The following HSP90AB1 variants were observed in gnomAD, a reference collection of about 807,000 sequenced individuals.
The protein encoded by HSP90AB1 is heat shock protein HSP 90-beta.
Under a neutral mutation model 67.8 loss-of-function variants are expected in HSP90AB1, and 17 were observed. The ratio of observed to expected loss-of-function variants is 0.25; its 90% CI spans 0.17 to 0.38. The LOEUF (loss-of-function observed/expected upper bound fraction) is 0.38. Among genes scored for constraint, HSP90AB1 ranks in the 10% least tolerant of loss-of-function variants. The pLI is 1.00. For missense variants in HSP90AB1, 690 were observed against 899.9 expected (o/e 0.77, Z 2.98); for synonymous variants, 390 against 312.9 (o/e 1.25, Z -2.60).
In HSP90AB1 at chr6:44,252,258, G is replaced by A. The variant is rs1181483095; in HGVS notation, c.1722G>A (p.Lys574=). 4 of 1,613,506 alleles carry A rather than the reference G, an allele frequency of 2.5e-6. No homozygotes were observed. The highest frequency in any genetic ancestry group is 1.7e-5 in the Admixed American group (1 of 60,012). ...TCATGAAAGAAATCTTAGATAAGAAGGTTGAGAAGGTAAGCCATTCTGGGG... is the reference window on the plus strand; with the variant it reads ...TCATGAAAGAAATCTTAGATAAGAAAGTTGAGAAGGTAAGCCATTCTGGGG... The part of the protein sequence containing the change: ...CKLMKEILDK[K]VEKVTISNRL... The change falls in exon 10 of 12, where the codon AAG becomes AAA. Residue 574 remains lysine, a synonymous_variant. Transcript: ENST00000371646.
rs774919578 is a variant in HSP90AB1 at position 44,252,222 on chromosome 6, C to A, written c.1686C>A (p.Asn562Lys). The A allele has an allele frequency of 6.2e-7, 1 of 1,614,098 alleles. No homozygotes were observed. Among genetic ancestry groups the A allele is most frequent in the South Asian group, 1.1e-5 (1 of 91,084 alleles). The stretch of plus-strand genomic sequence containing the variant: ...AAGAGAGCAAGGCAAAGTTTGAGAA[C>A]CTCTGCAAGCTCATGAAAGAAATCT... ...KMEESKAKFE[N>K]LCKLMKEILD... The change falls in exon 10 of 12, where the codon AAC becomes AAA. Residue 562 changes from asparagine (N) to lysine (K), a missense_variant. Physicochemically the swap from Asn to Lys is moderately conservative, Grantham distance 94. This residue lies in a region of HSP90AB1 where 206 missense variants were observed against 221.4 expected (regional missense o/e 0.93). Transcript: ENST00000371646.
upstream of HSP90AB1, among the ~76,000 whole-genome samples, chr6:44,246,904 C>T (rs1181626399): frequency 6.6e-6 from 1 of 152,224 alleles, no homozygotes; most frequent in Non-Finnish European, 1.5e-5. Flanking sequence ...GGGCTGTGAT[C>T]ACAAGCAAAT....
At position 44,248,610 on chromosome 6, in the gene HSP90AB1, TAATG is replaced by T. The variant is rs766435647; in HGVS notation, c.1-18_1-15del. 6.3e-7 allele frequency: 1 copy of T among 1,597,220 alleles called. No individual in the cohort carries two copies. Among genetic ancestry groups the T allele is most frequent in the South Asian group, 1.1e-5 (1 of 88,902 alleles). ...TGGGGCCTTAGTGTTCTTTTGTAAT[TAATG>T]AGATTTTTATTTTAGATGCCTGAGG... On this transcript the variant is annotated splice_polypyrimidine_tract_variant and intron_variant, in intron 1 of 11. Transcript: ENST00000371646.
At position 44,253,854 on chromosome 6, in the gene HSP90AB1, G is replaced by GA; in HGVS notation, c.*256_*257insA. ...TCATTTTGTTCTGAAATTAAAGTAT[G>GA]CAAAATAAAGAATATGCCGTTTTTA... On this transcript the variant is annotated 3_prime_UTR_variant, in exon 12 of 12. Coordinates refer to ENST00000371646, the MANE Select transcript of HSP90AB1 (RefSeq NM_007355.4). 1 of 719,708 alleles carries GA rather than the reference G, an allele frequency of 1.4e-6. No individual in the cohort carries two copies. The highest frequency in any genetic ancestry group is 1.8e-5 in the Admixed American group (1 of 56,930). 44.6% of individuals were successfully genotyped at this position (719,708 alleles called of 1,614,324 possible). A position where few individuals can be genotyped will look rare whatever the true frequency, so the allele number is the denominator to read the frequency against.
intron 6 of HSP90AB1, 152 bp downstream of exon 6, chr6:44,250,751 T>C: frequency 3.1e-6 from 2 of 638,546 alleles, no homozygotes; most frequent in South Asian, 2.0e-5. Context: ...TACCCTGTCA[T>C]AGTGAAGTGC....
intron 1 of HSP90AB1, chr6:44,248,170 A>G (rs1780189703): frequency 6.3e-6 from 1 of 157,798 alleles, no homozygotes; most frequent in South Asian, 1.8e-4. Flanking sequence ...CTGACACCTC[A>G]GGGGGAGCAG....
chr6:44,252,915 T>C (rs981582998), intron 10 of HSP90AB1, 130 bp from the exon 11 acceptor site: 5 of 697,360 alleles, frequency 7.2e-6, no homozygotes, highest in South Asian at 1.8e-5. Flanking sequence ...GGTTTTGCCA[T>C]GTTGGCCAGC....
chr6:44,248,895 A>G, intron 2 of HSP90AB1, 119 bp downstream of exon 2: 1 of 898,214 alleles, frequency 1.1e-6, no homozygotes, highest in Non-Finnish European at 1.8e-6. Flanking sequence ...ACTTGCAGCT[A>G]TTCCAAAAAG....
chr6:44,253,449 G>C, intron 11 of HSP90AB1, 40 bp from the exon 12 acceptor site: 7 of 1,601,460 alleles, frequency 4.4e-6, no homozygotes, highest in Non-Finnish European at 6.0e-6. Context: ...TTGACTTAAT[G>C]CTATTTGGTC....
intron 1 of HSP90AB1, chr6:44,247,804 T>TCC (rs1780117175): frequency 6.6e-6 from 1 of 152,212 alleles, no homozygotes. Flanking sequence ...GGCTCCTTCC[T>TCC]CCGCCCTTCC....
At chr6:44,250,705 CAG>C (rs1159255145) in intron 6 of HSP90AB1, 106 bp downstream of exon 6, 6 of 693,688 alleles carry the variant, frequency 8.6e-6, no homozygotes, top group Middle Eastern at 2.5e-4. Flanking sequence ...CAACTGATAA[CAG>C]AAATGTGATA....
chr6:44,248,703 T>C lies in HSP90AB1; in HGVS notation c.74T>C (p.Met25Thr), dbSNP rs1463566339. The C allele has an allele frequency of 1.9e-6, 3 of 1,614,002 alleles. No individual in the cohort carries two copies. The highest frequency in any genetic ancestry group is 2.5e-6 in the Non-Finnish European group (3 of 1,179,774). The change falls in exon 2 of 12, where the codon ATG (methionine) becomes ACG (threonine). Residue 25 changes from methionine to threonine, a missense_variant. Met to Thr is a moderately conservative substitution (Grantham distance 81, BLOSUM62 -1). Around this residue, in one of 7 missense-constraint regions of HSP90AB1, gnomAD observed 88 missense variants for 167.7 expected, o/e 0.52. Transcript: ENST00000371646. ...TTTCAGGCAGAAATTGCCCAACTCATGTCCCTCATCATCAATACCTTCTAT... is the reference window on the plus strand; with the variant it reads ...TTTCAGGCAGAAATTGCCCAACTCACGTCCCTCATCATCAATACCTTCTAT... ...FAFQAEIAQLMSLIINTFYSN... is the reference protein window; with the variant it reads ...FAFQAEIAQLTSLIINTFYSN...
chr6:44,249,233 G>A lies in HSP90AB1; in HGVS notation c.148-144G>A, dbSNP rs1318819905. On this transcript the variant is annotated intron_variant, in intron 2 of 11. Coordinates refer to ENST00000371646, the MANE Select transcript of HSP90AB1 (RefSeq NM_007355.4). ...TGTGCCTGTAGTCCCAGCTACTTGG[G>A]AAGCTGGGGTTGGGAGGATGGCTCG... 7.6e-6 allele frequency: 5 copies of A among 654,208 alleles called. No homozygotes were observed. In the South Asian group the frequency reaches 9.1e-5, roughly 12 times the overall value. 40.5% of individuals were successfully genotyped at this position (654,208 alleles called of 1,614,324 possible). A position where few individuals can be genotyped will look rare whatever the true frequency, so the allele number is the denominator to read the frequency against.
In HSP90AB1 at chr6:44,251,044, T is replaced by A. The variant is rs903581272; in HGVS notation, c.958-4T>A. The A allele has an allele frequency of 6.2e-7, 1 of 1,613,774 alleles. No individual in the cohort carries two copies. The highest frequency in any genetic ancestry group is 8.5e-7 in the Non-Finnish European group (1 of 1,179,794). ...ATGTACCACTTATTTTTGGTTTCTTTCAGCACTTTTCTGTAGAAGGTCAGT... is the reference window on the plus strand; with the variant it reads ...ATGTACCACTTATTTTTGGTTTCTTACAGCACTTTTCTGTAGAAGGTCAGT... On this transcript the variant is annotated splice_region_variant and splice_polypyrimidine_tract_variant and intron_variant, in intron 6 of 11. Transcript: ENST00000371646.
Position 44,250,175 on chromosome 6 carries a change from C to T in HSP90AB1, c.648+21C>T, listed in dbSNP as rs372485596. 1.1e-5 allele frequency: 17 copies of T among 1,613,838 alleles called. No homozygotes were observed. In the African/African-American group the frequency reaches 1.5e-4, roughly 14 times the overall value. ...TTTATGTGAGTATGGACTTTTAAATCTTTTACACTTAACGTGCAGGATGTT... is the reference window on the plus strand; with the variant it reads ...TTTATGTGAGTATGGACTTTTAAATTTTTTACACTTAACGTGCAGGATGTT... On this transcript the variant is annotated intron_variant, in intron 5 of 11. Transcript: ENST00000371646.
At chr6:44,246,301 T>A (rs1779897914), upstream of HSP90AB1, 1 of 152,038 alleles carries the variant, frequency 6.6e-6, no homozygotes, top group South Asian at 2.1e-4. Flanking sequence ...CAACCCTCCA[T>A]CCCATCCCTG....
In HSP90AB1 at chr6:44,247,427, C is replaced by T. The variant is rs978751716; in HGVS notation, c.-1+232C>T. On this transcript the variant is annotated intron_variant, in intron 1 of 11. Transcript: ENST00000371646. ...TTCTCTCGGCGCCTGCTGGCCGTAG[C>T]GAGGTGGGCTGTGGGGTTGGGGCAG... Among the ~76,000 whole-genome samples, 9 of 151,944 alleles carry T rather than the reference C, an allele frequency of 5.9e-5. No homozygotes were observed. The East Asian group carries it at 1.8e-3, about 30-fold the overall frequency.
At chr6:44,249,945 G>T in intron 4 of HSP90AB1, 76 bp from the exon 5 acceptor site, 1 of 1,592,540 alleles carries the variant, frequency 6.3e-7, no homozygotes, top group South Asian at 1.1e-5. Context: ...CAGCAGTTCT[G>T]CTGATACTTA....
intron 1 of HSP90AB1, chr6:44,248,079 G>A (rs1352268396): frequency 6.6e-6 from 1 of 152,416 alleles, no homozygotes. Flanking sequence ...TTGCTCCTCC[G>A]GTGGGTATCG....
Sources: gnomAD v4.1 joint callset for allele counts (sites outside exome capture counted in the v4.1 genomes callset) on GRCh38, gnomAD v4.1.1 for gene constraint, gnomAD v4.1.1 regional missense constraint, MANE v1.5 for transcripts, NCBI Gene and HGNC (gene_info 2026-07-23, HGNC 2026-07-21) for gene names.